Variants in NUP37 observed in about 807,000 individuals in gnomAD.
NUP37 encodes nucleoporin 37, also known as nucleoporin Nup37.
NUP37 carries 33 observed loss-of-function variants against 45.4 expected under a neutral mutation model. The observed-to-expected ratio is 0.73, with a 90% CI of 0.55 to 0.97. NUP37 has a LOEUF of 0.97. Ranked by LOEUF, NUP37 falls within the 50% of genes least tolerant of loss-of-function variation. The pLI is 0.00. For missense variants in NUP37, 365 were observed against 389.7 expected, an observed-to-expected ratio of 0.94 and a Z score of 0.53; for synonymous variants, 127 against 130.7, an observed-to-expected ratio of 0.97 and a Z score of 0.19.
intron 9 of NUP37, 117 bp from the exon 10 acceptor site, chr12:102,074,584 T>G: frequency 1.6e-6 from 1 of 643,438 alleles, no homozygotes; most frequent in Middle Eastern, 2.8e-4. Flanking sequence ...TAAACAAAAT[T>G]TAAAAATATG....
chr12:102,073,492 T>A lies in NUP37; in HGVS notation c.*862A>T, dbSNP rs1285839629. ...AGTCATTTTTCAAGGTAACTTTTGATCCCATATATCAGATGTTCTAAGACT... is the reference window on the plus strand; with the variant it reads ...AGTCATTTTTCAAGGTAACTTTTGAACCCATATATCAGATGTTCTAAGACT... On this transcript the variant is annotated 3_prime_UTR_variant, in exon 10 of 10. Transcript: ENST00000552283. 5 of 152,168 alleles carry A rather than the reference T, an allele frequency of 3.3e-5. No homozygotes were observed. The highest frequency in any genetic ancestry group is 5.9e-5 in the Non-Finnish European group (4 of 68,032). 9.4% of individuals were successfully genotyped at this position (152,168 alleles called of 1,614,324 possible). A position where few individuals can be genotyped will look rare whatever the true frequency, so the allele number is the denominator to read the frequency against.
chr12:102,078,155 C>T (rs374828088), intron 6 of NUP37, among the ~76,000 whole-genome samples: 26 of 151,006 alleles, frequency 1.7e-4, no homozygotes, highest in African/African-American at 5.1e-4. Context: ...TGGTGAAACC[C>T]CGTCTCTACT....
chr12:102,105,156 G>T (rs1357498142), intron 3 of NUP37, among the ~76,000 whole-genome samples: 1 of 152,146 alleles, frequency 6.6e-6, no homozygotes, highest in Non-Finnish European at 1.5e-5. Flanking sequence ...GTTGTCTAGT[G>T]AGGGTTTATA....
intron 2 of NUP37, among the ~76,000 whole-genome samples, chr12:102,115,146 C>A (rs938743340): frequency 1.4e-4 from 22 of 152,074 alleles, no homozygotes; most frequent in Non-Finnish European, 2.6e-4. Flanking sequence ...TAGATACTAC[C>A]CTGAAATTTG....
At chr12:102,115,721 A>T (rs570534875) in intron 2 of NUP37, 1 of 504,236 alleles carries the variant, frequency 2.0e-6, no homozygotes, top group East Asian at 1.5e-4. Flanking sequence ...CAAATTCACT[A>T]TATCTACAAC....
At chr12:102,099,385 T>C (rs951322605) in intron 4 of NUP37, among the ~76,000 whole-genome samples, 185 bp from the exon 5 acceptor site, 1 of 152,192 alleles carries the variant, frequency 6.6e-6, no homozygotes, top group South Asian at 2.1e-4. Flanking sequence ...AGGTTTATCT[T>C]GGGAAAAAAA....
chr12:102,074,684 A>G (rs191821230), intron 9 of NUP37: 1 of 490,462 alleles, frequency 2.0e-6, no homozygotes, highest in African/African-American at 2.0e-5. Flanking sequence ...TCCAGACTCC[A>G]TTTTTGCAGT....
At chr12:102,079,310 A>C (rs2039311458) in intron 6 of NUP37, 2 of 447,136 alleles carry the variant, frequency 4.5e-6, no homozygotes, top group Non-Finnish European at 9.0e-6. Context: ...TACTTTCCTA[A>C]ACACATAAAA....
chr12:102,118,355 AG>A lies in NUP37; in HGVS notation c.156+7del. ...TCACTGTCATTCGGTGCAGTTTTGT[AG>A]ACTAACCTGAAACGTACACGTGCCA... On this transcript the variant is annotated splice_region_variant and intron_variant, in intron 2 of 9. Transcript: ENST00000552283. 6.2e-7 allele frequency: 1 copy of A among 1,609,542 alleles called. No homozygotes were observed. Among genetic ancestry groups the A allele is most frequent in the Non-Finnish European group, 8.5e-7 (1 of 1,178,136 alleles).
intron 6 of NUP37, chr12:102,079,247 CA>C (rs1182039173): frequency 2.2e-6 from 1 of 455,904 alleles, no homozygotes; most frequent in Non-Finnish European, 4.4e-6. Flanking sequence ...ATATCAGATT[CA>C]AAAACTTACT....
chr12:102,076,692 G>GAA, intron 8 of NUP37, 105 bp downstream of exon 8: 4 of 820,294 alleles, frequency 4.9e-6, no homozygotes, highest in Non-Finnish European at 7.6e-6. Flanking sequence ...AACAATAAGG[G>GAA]AAAAAAAAAA....
chr12:102,112,335 T>C, intron 2 of NUP37, 103 bp from the exon 3 acceptor site: 1 of 975,700 alleles, frequency 1.0e-6, no homozygotes, highest in Admixed American at 3.2e-5. Flanking sequence ...CTTATGCTTT[T>C]GAAAAGTTCA....
At chr12:102,103,187 G>A (rs961946117) in intron 3 of NUP37, among the ~76,000 whole-genome samples, 2 of 152,080 alleles carry the variant, frequency 1.3e-5, no homozygotes, top group Admixed American at 6.5e-5. Context: ...ATTGCTTTGA[G>A]GAGTAAGAAC....
intron 5 of NUP37, among the ~76,000 whole-genome samples, chr12:102,094,754 T>C (rs1212368199): frequency 6.6e-6 from 1 of 152,090 alleles, no homozygotes; most frequent in Non-Finnish European, 1.5e-5. Flanking sequence ...TTATTTTTTA[T>C]ATGCCACCCT....
At chr12:102,079,091 T>C in intron 6 of NUP37, 1 of 416,764 alleles carries the variant, frequency 2.4e-6, no homozygotes, top group Non-Finnish European at 4.8e-6. Flanking sequence ...TCTGGTTCTA[T>C]TAAGTTGAAA....
At chr12:102,087,404 T>G (rs557234343) in intron 5 of NUP37, among the ~76,000 whole-genome samples, 1 of 152,320 alleles carries the variant, frequency 6.6e-6, no homozygotes, top group South Asian at 2.1e-4. Context: ...AACACAGATG[T>G]TTTTCAAAAT....
Position 102,075,014 on chromosome 12 carries a change from A to G in NUP37, c.854T>C (p.Leu285Ser). The G allele has an allele frequency of 6.2e-7, 1 of 1,608,618 alleles. No homozygotes were observed. The highest frequency in any genetic ancestry group is 8.5e-7 in the Non-Finnish European group (1 of 1,176,738). ...KMASQFQIHHLGHPQPILMGS... is the reference protein window; with the variant it reads ...KMASQFQIHHSGHPQPILMGS... ...TTTCCACATTACCTGAGGGTGTCCT[A>G]AATGATGAATTTGAAACTGGCTTGC... is the stretch of plus-strand genomic sequence containing the variant. The change falls in exon 9 of 10, where the codon TTA becomes TCA. Residue 285 changes from leucine to serine, a missense_variant. Leu to Ser is a moderately radical substitution (Grantham distance 145). Transcript: ENST00000552283.
At chr12:102,109,251 G>A (rs1193085610) in intron 3 of NUP37, among the ~76,000 whole-genome samples, 5 of 152,140 alleles carry the variant, frequency 3.3e-5, no homozygotes, top group Admixed American at 2.0e-4. Flanking sequence ...TAGAAAGGCA[G>A]GGAGAAAGAG....
intron 3 of NUP37, among the ~76,000 whole-genome samples, chr12:102,101,641 A>C (rs1333739211): frequency 6.6e-6 from 1 of 152,210 alleles, no homozygotes; most frequent in African/African-American, 2.4e-5. Flanking sequence ...CTGGAGTATT[A>C]TTTATACTTT....
Sources: allele counts gnomAD v4.1 joint callset (sites outside exome capture counted in the v4.1 genomes callset), GRCh38; gene constraint gnomAD v4.1.1; transcripts MANE v1.5; gene names NCBI Gene and HGNC (gene_info 2026-07-23, HGNC 2026-07-21).